The following SGCZ variants were observed in gnomAD, a reference collection of about 807,000 sequenced individuals.
SGCZ encodes the protein sarcoglycan zeta.
In SGCZ, 40 loss-of-function variants were observed where a neutral mutation model predicts 41.3. That is an observed-to-expected ratio of 0.97 (90% confidence interval 0.75 to 1.26). The LOEUF (loss-of-function observed/expected upper bound fraction) is 1.26, where lower values mean the gene tolerates loss of function less well. SGCZ is among the 50% of genes most tolerant of loss of function. The pLI is 0.00. For synonymous variants in SGCZ, 206 were observed against 137.5 expected, an observed-to-expected ratio of 1.50 and a Z score of -3.49; for missense variants, 552 against 369.8, an observed-to-expected ratio of 1.49 and a Z score of -4.04.
intron 1 of SGCZ, among the ~76,000 whole-genome samples, chr8:15,233,303 C>T (rs1272414614): frequency 1.4e-5 from 2 of 142,052 alleles, no homozygotes; most frequent in Admixed American, 7.4e-5. Flanking sequence ...CTCTCCTGGG[C>T]TGAGTGTCTT....
chr8:14,211,650 GGAGAGAGA>G (rs35869144), intron 4 of SGCZ, among the ~76,000 whole-genome samples: 27 of 150,060 alleles, frequency 1.8e-4, no homozygotes, highest in Admixed American at 1.6e-3. Flanking sequence ...CAATTAAGCA[GGAGAGAGA>G]GAGAGAGAGA....
At chr8:14,274,528 A>G (rs1166232176) in intron 3 of SGCZ, among the ~76,000 whole-genome samples, 1 of 152,110 alleles carries the variant, frequency 6.6e-6, no homozygotes, top group Admixed American at 6.5e-5. Flanking sequence ...CTAACACTAT[A>G]TTTTTCTAGT....
chr8:14,697,440 T>C (rs1383431162), intron 1 of SGCZ, among the ~76,000 whole-genome samples: 3 of 152,196 alleles, frequency 2.0e-5, no homozygotes, highest in African/African-American at 4.8e-5. Flanking sequence ...TAAAATATAT[T>C]ATTTCACTTA....
At chr8:14,592,923 G>T in intron 1 of SGCZ, among the ~76,000 whole-genome samples, 1 of 152,278 alleles carries the variant, frequency 6.6e-6, no homozygotes, top group Non-Finnish European at 1.5e-5. Flanking sequence ...GAATCCATTT[G>T]TCTTTAGATA....
chr8:15,014,859 G>A (rs1666698556), intron 1 of SGCZ, among the ~76,000 whole-genome samples: 1 of 152,184 alleles, frequency 6.6e-6, no homozygotes, highest in African/African-American at 2.4e-5. Flanking sequence ...TACTGCTGCA[G>A]ATCTACTCTC....
At chr8:14,781,437 C>G (rs1334959918) in intron 1 of SGCZ, among the ~76,000 whole-genome samples, 1 of 152,040 alleles carries the variant, frequency 6.6e-6, no homozygotes, top group Non-Finnish European at 1.5e-5. Context: ...CCATGTTAAC[C>G]AGGCTGGTCT....
chr8:14,607,090 G>A (rs573343486), intron 1 of SGCZ, among the ~76,000 whole-genome samples: 18 of 152,186 alleles, frequency 1.2e-4, no homozygotes, highest in African/African-American at 4.1e-4. Context: ...CATTGACTGT[G>A]CCTGGTCCTC....
chr8:15,232,920 G>C (rs946649276), intron 1 of SGCZ, among the ~76,000 whole-genome samples: 2 of 151,294 alleles, frequency 1.3e-5, no homozygotes, highest in African/African-American at 2.4e-5. Context: ...CCACATTATA[G>C]ATGTATAGTA....
intron 1 of SGCZ, among the ~76,000 whole-genome samples, chr8:14,859,602 T>C (rs1055813744): frequency 6.6e-6 from 1 of 152,074 alleles, no homozygotes; most frequent in African/African-American, 2.4e-5. Context: ...CCCAATATAA[T>C]GAAAACTCAT....
chr8:15,000,694 C>A (rs1304767330), intron 1 of SGCZ, among the ~76,000 whole-genome samples: 2 of 152,104 alleles, frequency 1.3e-5, no homozygotes, highest in South Asian at 4.1e-4. Context: ...GTTGGGGCAA[C>A]CAGCCTTCCC....
intron 1 of SGCZ, among the ~76,000 whole-genome samples, chr8:14,692,845 A>G (rs954529088): frequency 6.6e-6 from 1 of 152,240 alleles, no homozygotes; most frequent in African/African-American, 2.4e-5. Context: ...AATCTTGAGC[A>G]TGAAACTTCA....
chr8:15,194,044 T>G (rs906135823), intron 1 of SGCZ, among the ~76,000 whole-genome samples: 1 of 152,184 alleles, frequency 6.6e-6, no homozygotes, highest in Non-Finnish European at 1.5e-5. Flanking sequence ...TTGACCCTTA[T>G]GGAAAAACAT....
intron 4 of SGCZ, among the ~76,000 whole-genome samples, chr8:14,233,198 G>C (rs112234995): frequency 2.0e-5 from 3 of 151,904 alleles, no homozygotes; most frequent in South Asian, 2.1e-4. Flanking sequence ...TAGACTGACA[G>C]CATAAGGCAC....
chr8:14,680,964 G>GAAAAAAGAGGGAA (rs1808424573), intron 1 of SGCZ, among the ~76,000 whole-genome samples: 1 of 117,938 alleles, frequency 8.5e-6, no homozygotes, highest in African/African-American at 3.2e-5. Flanking sequence ...AAAAGAGTGG[G>GAAAAAAGAGGGAA]AAAAAAAAAA....
At chr8:14,163,112 C>T (rs1439957478) in intron 5 of SGCZ, among the ~76,000 whole-genome samples, 1 of 152,168 alleles carries the variant, frequency 6.6e-6, no homozygotes, top group African/African-American at 2.4e-5. Context: ...ATTCTCTCAC[C>T]TCTGTCTCCC....
chr8:14,886,390 C>G (rs1318271729), intron 1 of SGCZ, among the ~76,000 whole-genome samples: 2 of 151,740 alleles, frequency 1.3e-5, no homozygotes. Flanking sequence ...GAGGTGAAAG[C>G]TAAGGGGAAG....
intron 1 of SGCZ, among the ~76,000 whole-genome samples, chr8:14,610,023 C>A (rs185153663): frequency 6.6e-6 from 1 of 152,186 alleles, no homozygotes; most frequent in African/African-American, 2.4e-5. Context: ...TCAACTGCTA[C>A]GATCTTATTT....
intron 3 of SGCZ, among the ~76,000 whole-genome samples, chr8:14,241,917 TTTTTTC>T (rs1400065829): frequency 4.6e-5 from 7 of 152,226 alleles, no homozygotes; most frequent in African/African-American, 7.2e-5. Context: ...GGAAAAATGA[TTTTTTC>T]TTTTTATTTC....
intron 1 of SGCZ, among the ~76,000 whole-genome samples, chr8:15,009,461 T>A (rs1433240713): frequency 6.6e-6 from 1 of 152,148 alleles, no homozygotes; most frequent in East Asian, 1.9e-4. Context: ...CCGTATCACA[T>A]AGTTTACAAG....
Sources: allele counts gnomAD v4.1 joint callset (sites outside exome capture counted in the v4.1 genomes callset), GRCh38; gene constraint gnomAD v4.1.1; transcripts MANE v1.5; gene names NCBI Gene and HGNC (gene_info 2026-07-23, HGNC 2026-07-21).